Variants in SAFB observed in about 807,000 individuals in gnomAD.
SAFB encodes the protein scaffold attachment factor B, also known as scaffold attachment factor B1.
In SAFB, 15 loss-of-function variants were observed where a neutral mutation model predicts 101.6. The ratio of observed to expected loss-of-function variants is 0.15; its 90% CI spans 0.10 to 0.23. The LOEUF (loss-of-function observed/expected upper bound fraction) is 0.23. Ranked by LOEUF, SAFB falls within the 10% of genes least tolerant of loss-of-function variation. The pLI is 1.00. For synonymous variants in SAFB, 449 were observed against 407.5 expected (o/e 1.10, Z -1.23); for missense variants, 930 against 1,104.1 (o/e 0.84, Z 2.23).
intron 2 of SAFB, among the ~76,000 whole-genome samples, chr19:5,639,085 A>C (rs547537752): frequency 6.6e-6 from 1 of 152,358 alleles, no homozygotes; most frequent in Non-Finnish European, 1.5e-5. Flanking sequence ...GAACAAAAAT[A>C]ACAGATCAGT....
chr19:5,633,544 C>A (rs2053532903), intron 2 of SAFB, among the ~76,000 whole-genome samples: 1 of 152,132 alleles, frequency 6.6e-6, no homozygotes, highest in Non-Finnish European at 1.5e-5. Flanking sequence ...CTTTGGGAGG[C>A]CGAGGCAGGC....
intron 9 of SAFB, among the ~76,000 whole-genome samples, chr19:5,651,937 T>C (rs2053948093): frequency 6.6e-6 from 1 of 152,262 alleles, no homozygotes; most frequent in Non-Finnish European, 1.5e-5. Flanking sequence ...GGCTCACGCC[T>C]GTAATTCCAG....
chr19:5,633,113 T>A (rs2053523986), intron 2 of SAFB, among the ~76,000 whole-genome samples: 1 of 152,260 alleles, frequency 6.6e-6, no homozygotes, highest in Non-Finnish European at 1.5e-5. Context: ...CACCAGTTCC[T>A]GTCTATTCAT....
At chr19:5,661,864 T>A in intron 15 of SAFB, 56 bp downstream of exon 15, 2 of 1,159,694 alleles carry the variant, frequency 1.7e-6, no homozygotes, top group South Asian at 1.6e-5. Context: ...GTTAGGGACC[T>A]CACAGTCCAG....
At chr19:5,658,804 C>G (rs2145478175) in intron 14 of SAFB, among the ~76,000 whole-genome samples, 1 of 147,184 alleles carries the variant, frequency 6.8e-6, no homozygotes, top group Non-Finnish European at 1.5e-5. Flanking sequence ...GATCGCGCCA[C>G]TGCACTCCAG....
rs34358887 is a variant in SAFB at position 5,640,358 on chromosome 19, C to CTTT, written c.275-1215_275-1213dup. Among the ~76,000 whole-genome samples the CTTT allele has an allele frequency of 1.0e-3, 92 of 91,546 alleles. 3 individuals carry two copies. The highest frequency in any genetic ancestry group is 1.2e-3 in the African/African-American group (25 of 20,966). 60.1% of individuals were successfully genotyped at this position (91,546 alleles called of 152,430 possible). A position where few individuals can be genotyped will look rare whatever the true frequency, so the allele number is the denominator to read the frequency against. On this transcript the variant is annotated intron_variant, in intron 2 of 20. Transcript: ENST00000588852. ...TTAACAGAGATTCAAGAAAGATTGG[C>CTTT]TTTTTTTTTTTTTTTTTTTTTTTCT...
At position 5,657,365 on chromosome 19, in the gene SAFB, A is replaced by T; in HGVS notation, c.1862+18A>T. The T allele has an allele frequency of 6.5e-7, 1 of 1,538,426 alleles. No individual in the cohort carries two copies. Among genetic ancestry groups the T allele is most frequent in the Non-Finnish European group, 9.0e-7 (1 of 1,112,692 alleles). The stretch of plus-strand genomic sequence containing the variant: ...TCCCATAGGTGAGTAGGGATCCAGG[A>T]ACGGTTTGGTGTTTTTCCTAGAATG... On this transcript the variant is annotated intron_variant, in intron 14 of 20. Transcript: ENST00000588852.
At chr19:5,633,818 T>G (rs2053541773) in intron 2 of SAFB, among the ~76,000 whole-genome samples, 1 of 151,422 alleles carries the variant, frequency 6.6e-6, no homozygotes. Flanking sequence ...GTCTTGGAAC[T>G]TAGATGTACT....
intron 2 of SAFB, 64 bp downstream of exon 2, chr19:5,626,553 A>T: frequency 4.2e-6 from 4 of 950,268 alleles, no homozygotes; most frequent in Non-Finnish European, 6.8e-6. Context: ...TACATTGCTA[A>T]TGTGCCTCGT....
At chr19:5,634,436 T>C (rs2053554248) in intron 2 of SAFB, among the ~76,000 whole-genome samples, 1 of 152,088 alleles carries the variant, frequency 6.6e-6, no homozygotes. Context: ...AGCTCTAATC[T>C]TATCTCTTCT....
At chr19:5,662,355 G>T (rs1237309098) in intron 15 of SAFB, among the ~76,000 whole-genome samples, 1 of 152,088 alleles carries the variant, frequency 6.6e-6, no homozygotes, top group East Asian at 2.0e-4. Flanking sequence ...AAAATTGGTC[G>T]TGGTGACAGG....
chr19:5,662,755 C>G (rs2054243935), intron 15 of SAFB, among the ~76,000 whole-genome samples: 1 of 144,848 alleles, frequency 6.9e-6, no homozygotes, highest in South Asian at 2.2e-4. Context: ...ATTCTCCTGC[C>G]TCAGCCTCCC....
rs140054588 is a variant in SAFB at position 5,652,142 on chromosome 19, G to A, written c.1294-973G>A. On this transcript the variant is annotated intron_variant, in intron 9 of 20. Transcript: ENST00000588852. ...CAGGAGGTGGAGGTTGCAGTGACCCGAGACCGTGCCACTGCACTCCAGCCT... is the reference window on the plus strand; with the variant it reads ...CAGGAGGTGGAGGTTGCAGTGACCCAAGACCGTGCCACTGCACTCCAGCCT... Among the ~76,000 whole-genome samples the A allele has an allele frequency of 3.1e-3, 469 of 151,926 alleles. 4 individuals carry two copies. The highest frequency in any genetic ancestry group is 0.011 in the African/African-American group (437 of 41,448).
intron 2 of SAFB, among the ~76,000 whole-genome samples, chr19:5,627,323 A>G (rs762849595): frequency 6.6e-6 from 1 of 151,664 alleles, no homozygotes; most frequent in Non-Finnish European, 1.5e-5. Context: ...AAAAAAAAGT[A>G]CCTAGGCGTC....
intron 8 of SAFB, 80 bp downstream of exon 8, chr19:5,650,055 G>A (rs540431603): frequency 1.2e-5 from 13 of 1,101,878 alleles, no homozygotes; most frequent in Admixed American, 6.9e-5. Context: ...GGTTCATCGC[G>A]TGCTATGCTC....
chr19:5,655,658 C>G (rs1040300888), intron 13 of SAFB, among the ~76,000 whole-genome samples: 1 of 151,920 alleles, frequency 6.6e-6, no homozygotes, highest in Admixed American at 6.6e-5. Context: ...CTCAGCTGCA[C>G]GGAGGAGGAA....
intron 2 of SAFB, among the ~76,000 whole-genome samples, chr19:5,628,569 T>G (rs1217594308): frequency 2.6e-5 from 4 of 152,184 alleles, no homozygotes; most frequent in Non-Finnish European, 2.9e-5. Flanking sequence ...AAGGTTTCAG[T>G]TTCAGATAGG....
At position 5,649,005 on chromosome 19, in the gene SAFB, C is replaced by T; in HGVS notation, c.654C>T (p.Leu218=). The T allele has an allele frequency of 2.1e-6, 1 of 472,314 alleles. No individual in the cohort carries two copies. Among genetic ancestry groups the T allele is most frequent in the Non-Finnish European group, 3.8e-6 (1 of 263,626 alleles). The allele number at this position is 472,314 out of a possible 1,614,324, so 29.3% of individuals were successfully genotyped here. The change falls in exon 7 of 21, where the codon CTC becomes CTT. Residue 218 remains leucine, a synonymous_variant. Coordinates refer to ENST00000588852, the MANE Select transcript of SAFB (RefSeq NM_001201338.2). The part of the protein sequence containing the change: ...PSLEPENEKI[L]DILGETCKSE... ...AATCCGTAGAAAATGAGAAAATACT[C>T]GACATTTTGGGGGAAACTTGTAAAT...
At chr19:5,627,417 A>G (rs1390144926) in intron 2 of SAFB, among the ~76,000 whole-genome samples, 3 of 152,138 alleles carry the variant, frequency 2.0e-5, no homozygotes, top group Admixed American at 1.3e-4. Context: ...GCACTGAGCT[A>G]TCATGGCACC....
Sources: gnomAD v4.1 joint callset for allele counts (sites outside exome capture counted in the v4.1 genomes callset) on GRCh38, gnomAD v4.1.1 for gene constraint, MANE v1.5 for transcripts, NCBI Gene and HGNC (gene_info 2026-07-23, HGNC 2026-07-21) for gene names.